Variants in RNF32 observed in about 807,000 individuals in gnomAD.
The protein encoded by RNF32 is ring finger protein 32.
A neutral mutation model predicts 41.0 loss-of-function variants in RNF32; 36 were observed. The ratio of observed to expected loss-of-function variants is 0.88; its 90% CI spans 0.67 to 1.16. RNF32 has a LOEUF of 1.16. RNF32 is among the 50% of genes most tolerant of loss of function. The pLI is 0.00. For synonymous variants in RNF32, 154 were observed against 160.9 expected, an observed-to-expected ratio of 0.96 and a Z score of 0.32; for missense variants, 413 against 436.7, an observed-to-expected ratio of 0.95 and a Z score of 0.48.
In RNF32 at chr7:156,670,329, A is replaced by G. The variant is rs1054722466; in HGVS notation, c.685-5367A>G. Among the ~76,000 whole-genome samples the G allele has an allele frequency of 6.6e-6, 1 of 152,190 alleles. No homozygotes were observed. Among genetic ancestry groups the G allele is most frequent in the African/African-American group, 2.4e-5 (1 of 41,458 alleles). On this transcript the variant is annotated intron_variant, in intron 7 of 8. Transcript: ENST00000317955. The surrounding 1 kb of genome is among the most constrained non-coding windows in gnomAD (Gnocchi z 4.3). ...AGGCCCTGCCTTCAGCTCACTGAGG[A>G]GTCAGGTCTGCAAGGGGGGCCCTGC...
chr7:156,669,864 G>C lies in RNF32; in HGVS notation c.685-5832G>C, dbSNP rs1479836601. On this transcript the variant is annotated intron_variant, in intron 7 of 8. Coordinates refer to ENST00000317955, the MANE Select transcript of RNF32 (RefSeq NM_030936.4). This position sits in a 1 kb window ranked among gnomAD's most constrained non-coding sequence, Gnocchi z 4.2. ...GTTGGGCCTGCAGCACGCAGGGCTT[G>C]GGGACTCTGTTCCAGGTGACAGGAG... 6.6e-6 allele frequency among the ~76,000 whole-genome samples: 1 copy of C among 152,180 alleles called. No homozygotes were observed. The highest frequency in any genetic ancestry group is 2.4e-5 in the African/African-American group (1 of 41,456).
chr7:156,640,338 G>A (rs1230464774), upstream of RNF32: 1 of 450,024 alleles, frequency 2.2e-6, no homozygotes, highest in Non-Finnish European at 4.4e-6. Flanking sequence ...GCCCAGGTGG[G>A]CGGGCGGCTG....
rs190091165 is a variant in RNF32, at chr7:156,668,872, T to A, written c.685-6824T>A. The A allele has an allele frequency of 4.5e-4, 69 of 152,368 alleles. 1 individual carries two copies. The highest frequency in any genetic ancestry group is 1.6e-3 in the African/African-American group (66 of 41,576). 9.4% of individuals were successfully genotyped at this position (152,368 alleles called of 1,614,324 possible). ...GATCCTGTAAGTGGTAAATTTAAGTTAAAATTATTTACTTTAGATTGATTA... is the reference window on the plus strand; with the variant it reads ...GATCCTGTAAGTGGTAAATTTAAGTAAAAATTATTTACTTTAGATTGATTA... On this transcript the variant is annotated intron_variant, in intron 7 of 8. Transcript: ENST00000317955.
rs959801452 is a variant in RNF32 at position 156,663,967 on chromosome 7, T to A, written c.684+5397T>A. Reference sequence around the variant, plus strand: ...GATACATGAAATTAATGGAGTCAAATAGCTTCCTGGGTGCCTGCTCTCTGC... The same window carrying A: ...GATACATGAAATTAATGGAGTCAAAAAGCTTCCTGGGTGCCTGCTCTCTGC... On this transcript the variant is annotated intron_variant, in intron 7 of 8. Coordinates refer to ENST00000317955, the MANE Select transcript of RNF32 (RefSeq NM_030936.4). 3.3e-5 allele frequency among the ~76,000 whole-genome samples: 5 copies of A among 152,330 alleles called. 1 individual carries two copies. The highest frequency in any genetic ancestry group is 3.3e-4 in the Admixed American group (5 of 15,296).
chr7:156,661,902 G>A (rs138016501), intron 7 of RNF32, among the ~76,000 whole-genome samples: 39 of 152,300 alleles, frequency 2.6e-4, no homozygotes, highest in African/African-American at 8.9e-4. Context: ...CAAGTTTCAA[G>A]TGTGGGGGTG....
intron 4 of RNF32, 38 bp from the exon 5 acceptor site, chr7:156,657,503 T>C (rs1390641901): frequency 6.2e-7 from 1 of 1,611,146 alleles, no homozygotes; most frequent in South Asian, 1.1e-5. Flanking sequence ...TGCTTCTCTT[T>C]TGTAAACTTC....
intron 6 of RNF32, 29 bp from the exon 7 acceptor site, chr7:156,658,428 ATAAAT>A: frequency 6.4e-7 from 1 of 1,565,534 alleles, no homozygotes; most frequent in South Asian, 1.1e-5. Context: ...TAGAGTCATC[ATAAAT>A]TAGTCATTTT....
At chr7:156,641,934 G>A (rs1434244065) in intron 1 of RNF32, among the ~76,000 whole-genome samples, 1 of 152,200 alleles carries the variant, frequency 6.6e-6, no homozygotes, top group Non-Finnish European at 1.5e-5. Context: ...CATCATCAAA[G>A]CCTCCAGGAC....
rs1473865546 is a variant in RNF32, at chr7:156,669,642, A to C, written c.685-6054A>C. Among the ~76,000 whole-genome samples the C allele has an allele frequency of 5.3e-5, 8 of 152,120 alleles. No individual in the cohort carries two copies. Among genetic ancestry groups the C allele is most frequent in the Non-Finnish European group, 1.2e-4 (8 of 68,010 alleles). ...GAGGGCGACCCACAGCCACGTGAACACTGGAAACTGCCCTCAGAGCCCCGG... is the reference window on the plus strand; with the variant it reads ...GAGGGCGACCCACAGCCACGTGAACCCTGGAAACTGCCCTCAGAGCCCCGG... On this transcript the variant is annotated intron_variant, in intron 7 of 8. Transcript: ENST00000317955. This position sits in a 1 kb window ranked among gnomAD's most constrained non-coding sequence, Gnocchi z 4.2.
intron 7 of RNF32, among the ~76,000 whole-genome samples, chr7:156,673,710 T>C (rs1171111761): frequency 6.6e-6 from 1 of 152,060 alleles, no homozygotes; most frequent in Non-Finnish European, 1.5e-5. Flanking sequence ...CTCTCATCCT[T>C]AAAGCCAATA....
chr7:156,655,291 TATAG>T (rs1408886885), intron 4 of RNF32, among the ~76,000 whole-genome samples: 10 of 150,798 alleles, frequency 6.6e-5, no homozygotes, highest in East Asian at 5.9e-4. Flanking sequence ...CATATATATA[TATAG>T]AGAGAGAGAG....
intron 3 of RNF32, among the ~76,000 whole-genome samples, chr7:156,645,154 G>T (rs1001952625): frequency 3.9e-5 from 6 of 152,140 alleles, no homozygotes; most frequent in African/African-American, 1.4e-4. Context: ...ACTGAAATTA[G>T]GAATGAGAAA....
rs538507039 is a variant in RNF32 at position 156,659,578 on chromosome 7, CTT to C, written c.684+1009_684+1010del. 3.3e-4 allele frequency: 316 copies of C among 966,664 alleles called. No individual in the cohort carries two copies. In the African/African-American group the frequency reaches 4.5e-3, roughly 14 times the overall value. 59.9% of individuals were successfully genotyped at this position (966,664 alleles called of 1,614,324 possible). On this transcript the variant is annotated intron_variant, in intron 7 of 8. Transcript: ENST00000317955. ...AATCAGAAGTGATTTTTTGTCACCT[CTT>C]ATACAATTTTAATTACAGATTTGAT...
intron 7 of RNF32, among the ~76,000 whole-genome samples, chr7:156,666,715 G>A (rs1290565624): frequency 6.6e-6 from 1 of 152,188 alleles, no homozygotes; most frequent in Non-Finnish European, 1.5e-5. Context: ...GCCTGGAAAG[G>A]TCACTCAAGC....
intron 3 of RNF32, 60 bp from the exon 4 acceptor site, chr7:156,654,516 T>C: frequency 6.8e-7 from 1 of 1,469,396 alleles, no homozygotes; most frequent in Non-Finnish European, 9.4e-7. Flanking sequence ...ATTAAAGTTA[T>C]AGGTGGGTGC....
chr7:156,646,363 T>C, intron 3 of RNF32: 2 of 1,246,548 alleles, frequency 1.6e-6, no homozygotes, highest in Non-Finnish European at 2.1e-6. Context: ...ATTGCTTAGC[T>C]TGTGGCAGCG....
chr7:156,674,620 A>G (rs1803383795), intron 7 of RNF32, among the ~76,000 whole-genome samples: 2 of 152,108 alleles, frequency 1.3e-5, no homozygotes. Context: ...AGGCTGAGTG[A>G]GCATTGATGG....
intron 7 of RNF32, among the ~76,000 whole-genome samples, chr7:156,672,839 G>A (rs1802858601): frequency 1.3e-5 from 2 of 152,238 alleles, no homozygotes. Flanking sequence ...CTCCAGGAAT[G>A]ATAACTAATG....
rs75696856 is a variant in RNF32 at position 156,664,059 on chromosome 7, G to A, written c.684+5489G>A. ...AAACACCACAATCCTAGCAGAACGTGTGCAGCTCAGAGCGGGGAGAGAGCC... is the reference window on the plus strand; with the variant it reads ...AAACACCACAATCCTAGCAGAACGTATGCAGCTCAGAGCGGGGAGAGAGCC... On this transcript the variant is annotated intron_variant, in intron 7 of 8. Coordinates refer to ENST00000317955, the MANE Select transcript of RNF32 (RefSeq NM_030936.4). Among the ~76,000 whole-genome samples the A allele has an allele frequency of 1.6e-3, 249 of 152,364 alleles. 4 individuals are homozygous for A. In the East Asian group the frequency reaches 0.037, roughly 23 times the overall value.
Sources: allele counts gnomAD v4.1 joint callset (sites outside exome capture counted in the v4.1 genomes callset), GRCh38; gene constraint gnomAD v4.1.1; non-coding constraint Gnocchi (gnomAD v3.1); transcripts MANE v1.5; gene names NCBI Gene and HGNC (gene_info 2026-07-23, HGNC 2026-07-21).